Variants in PRIM2 observed in about 807,000 individuals in gnomAD.
PRIM2 encodes the protein DNA primase subunit 2.
Under a neutral mutation model 67.3 loss-of-function variants are expected in PRIM2, and 39 were observed. The ratio of observed to expected loss-of-function variants is 0.58; its 90% confidence interval spans 0.45 to 0.76. The LOEUF is 0.76. PRIM2 is among the 30% of genes least tolerant of loss of function. The pLI, the probability that PRIM2 is intolerant of heterozygous loss-of-function variation, is 0.00. For missense variants in PRIM2, 398 were observed against 598.7 expected (o/e 0.66, Z 3.50); for synonymous variants, 143 against 198.7 (o/e 0.72, Z 2.36).
chr6:57,286,115 A>G, the PRIM2 span, among the ~76,000 whole-genome samples: 1 of 152,166 alleles, frequency 6.6e-6, no homozygotes, highest in East Asian at 1.9e-4. Context: ...ACAGGACACG[A>G]ACAAAAGGAA....
chr6:57,373,745 T>A (rs1769648853), intron 5 of PRIM2, among the ~76,000 whole-genome samples: 1 of 152,182 alleles, frequency 6.6e-6, no homozygotes, highest in South Asian at 2.1e-4. Context: ...TTGTTGATGA[T>A]CAAGTGTTGT....
chr6:57,496,460 T>C (rs1175766674), intron 7 of PRIM2, among the ~76,000 whole-genome samples: 1 of 152,188 alleles, frequency 6.6e-6, no homozygotes, highest in Non-Finnish European at 1.5e-5. Context: ...AAACATTTAC[T>C]AGAAGCCTGT....
chr6:57,601,170 T>C lies in PRIM2; in HGVS notation c.1098T>C (p.Ser366=). 1.9e-6 allele frequency: 3 copies of C among 1,612,750 alleles called. No homozygotes were observed. The highest frequency in any genetic ancestry group is 2.2e-5 in the South Asian group (2 of 90,912). ...AGAGGACAGACTATACACCTTTCAGTTGCCTGAAGATTATTCTGTCCAATC... is the reference window on the plus strand; with the variant it reads ...AGAGGACAGACTATACACCTTTCAGCTGCCTGAAGATTATTCTGTCCAATC... ...EGKRTDYTPF[S]CLKIILSNPP... Residue 366 remains serine (S), a synonymous_variant, in exon 11 of 14, where the codon AGT becomes AGC. Transcript: ENST00000615550.
intron 10 of PRIM2, among the ~76,000 whole-genome samples, chr6:57,561,236 G>GGTGT (rs1279182218): frequency 6.6e-6 from 1 of 151,586 alleles, no homozygotes; most frequent in Non-Finnish European, 1.5e-5. Flanking sequence ...AACTTTTTTT[G>GGTGT]GTGTGTGTGT....
the PRIM2 span, among the ~76,000 whole-genome samples, chr6:57,222,654 A>G: frequency 6.6e-6 from 1 of 152,266 alleles, no homozygotes; most frequent in Non-Finnish European, 1.5e-5. Flanking sequence ...GCACTCACAC[A>G]GCCTGCAGGA....
intron 7 of PRIM2, among the ~76,000 whole-genome samples, chr6:57,402,024 A>G (rs940173430): frequency 6.6e-6 from 1 of 152,080 alleles, no homozygotes; most frequent in South Asian, 2.1e-4. Flanking sequence ...CTGGTTTGAT[A>G]TATCTGGCAG....
At chr6:57,632,964 G>A (rs1489393434) in intron 13 of PRIM2, among the ~76,000 whole-genome samples, 1 of 152,158 alleles carries the variant, frequency 6.6e-6, no homozygotes, top group African/African-American at 2.4e-5. Context: ...AGTAAGAGTG[G>A]AATGACCCAG....
At chr6:57,500,252 A>T (rs1199687958) in intron 7 of PRIM2, among the ~76,000 whole-genome samples, 2 of 151,900 alleles carry the variant, frequency 1.3e-5, no homozygotes, top group African/African-American at 2.4e-5. Context: ...CACCCTTTTG[A>T]CCTCTTTGCC....
chr6:57,541,308 T>C (rs1775146635), intron 10 of PRIM2, among the ~76,000 whole-genome samples: 1 of 152,124 alleles, frequency 6.6e-6, no homozygotes, highest in African/African-American at 2.4e-5. Context: ...AGGCTGGTCT[T>C]GAACTCCTGA....
At chr6:57,563,951 G>T (rs1164525702) in intron 10 of PRIM2, among the ~76,000 whole-genome samples, 1 of 152,164 alleles carries the variant, frequency 6.6e-6, no homozygotes, top group Non-Finnish European at 1.5e-5. Context: ...GAGCTGATGC[G>T]TACAGCCGGC....
chr6:57,300,944 G>C, the PRIM2 span, among the ~76,000 whole-genome samples: 1 of 152,162 alleles, frequency 6.6e-6, no homozygotes, highest in Admixed American at 6.5e-5. Flanking sequence ...TGGAGAAATA[G>C]GTAACTGATT....
At chr6:57,492,883 T>G (rs1176118186) in intron 7 of PRIM2, among the ~76,000 whole-genome samples, 1 of 152,240 alleles carries the variant, frequency 6.6e-6, no homozygotes, top group Non-Finnish European at 1.5e-5. Flanking sequence ...ATTAAGAATT[T>G]GTAGAACTGG....
chr6:57,504,991 G>A (rs1298588335), intron 7 of PRIM2, among the ~76,000 whole-genome samples: 3 of 152,224 alleles, frequency 2.0e-5, no homozygotes, highest in African/African-American at 4.8e-5. Context: ...TAGGGATGCA[G>A]TTACCACTCA....
At chr6:57,614,300 C>T (rs1345501294) in intron 12 of PRIM2, among the ~76,000 whole-genome samples, 23 of 152,148 alleles carry the variant, frequency 1.5e-4, no homozygotes, top group Non-Finnish European at 2.4e-4. Context: ...CACCCTGGCC[C>T]GTGGAAAAAT....
At chr6:57,569,159 AT>A (rs1290288335) in intron 10 of PRIM2, among the ~76,000 whole-genome samples, 1 of 152,124 alleles carries the variant, frequency 6.6e-6, no homozygotes, top group Non-Finnish European at 1.5e-5. Context: ...TTATGCTCTC[AT>A]TTTTATATGG....
intron 7 of PRIM2, among the ~76,000 whole-genome samples, chr6:57,479,311 G>T (rs1773556417): frequency 6.6e-6 from 1 of 152,026 alleles, no homozygotes. Context: ...ATTTGAAATT[G>T]GTTGATTGGC....
At chr6:57,360,795 A>G (rs1332272821) in intron 5 of PRIM2, among the ~76,000 whole-genome samples, 2 of 152,236 alleles carry the variant, frequency 1.3e-5, no homozygotes, top group Non-Finnish European at 2.9e-5. Context: ...AAATAGAAAT[A>G]ATAATTTTGC....
chr6:57,286,372 A>T, the PRIM2 span, among the ~76,000 whole-genome samples: 2 of 152,254 alleles, frequency 1.3e-5, no homozygotes, highest in South Asian at 4.1e-4. Flanking sequence ...ACAAGGCTAC[A>T]GTAACCAAAA....
chr6:57,299,103 T>A, the PRIM2 span, among the ~76,000 whole-genome samples: 1 of 152,118 alleles, frequency 6.6e-6, no homozygotes, highest in Non-Finnish European at 1.5e-5. Flanking sequence ...TGTGTGTGTG[T>A]GTGTTTGAGG....
Sources: allele counts gnomAD v4.1 joint callset (sites outside exome capture counted in the v4.1 genomes callset), GRCh38; gene constraint gnomAD v4.1.1; transcripts MANE v1.5; gene names NCBI Gene and HGNC (gene_info 2026-07-23, HGNC 2026-07-21).